MLLT3: variants seen among roughly 807,000 people sequenced by gnomAD.
MLLT3 encodes the protein protein AF-9.
A neutral mutation model predicts 53.2 loss-of-function variants in MLLT3; 4 were observed. The observed-to-expected ratio is 0.08, with a 90% CI of 0.04 to 0.17. The LOEUF is 0.17. Ranked by LOEUF, MLLT3 falls within the 10% of genes least tolerant of loss-of-function variation. MLLT3 has a pLI of 1.00. For missense variants in MLLT3, 569 were observed against 684.0 expected (o/e 0.83, Z 1.87); for synonymous variants, 283 against 230.6 (o/e 1.23, Z -2.06).
chr9:20,403,325 C>T (rs1245889024), intron 5 of MLLT3, among the ~76,000 whole-genome samples: 1 of 152,142 alleles, frequency 6.6e-6, no homozygotes, highest in African/African-American at 2.4e-5. Flanking sequence ...AAAAGAGTAC[C>T]TAAGCCTTGA....
chr9:20,618,935 T>C (rs903659119), intron 2 of MLLT3, among the ~76,000 whole-genome samples: 3 of 152,188 alleles, frequency 2.0e-5, no homozygotes, highest in African/African-American at 4.8e-5. Flanking sequence ...TTAATTTTCC[T>C]AATAAATGTT....
chr9:20,504,262 T>A (rs1320985995), intron 2 of MLLT3, among the ~76,000 whole-genome samples: 1 of 152,142 alleles, frequency 6.6e-6, no homozygotes, highest in African/African-American at 2.4e-5. Context: ...GCAGTACTAG[T>A]TACAATAGTC....
intron 3 of MLLT3, among the ~76,000 whole-genome samples, chr9:20,449,927 C>T (rs935614893): frequency 6.6e-6 from 1 of 152,204 alleles, no homozygotes; most frequent in Non-Finnish European, 1.5e-5. Flanking sequence ...CACCCATTCA[C>T]AAGGAGTCAG....
intron 10 of MLLT3, among the ~76,000 whole-genome samples, chr9:20,352,294 A>C (rs1026966528): frequency 6.6e-6 from 1 of 152,222 alleles, no homozygotes. Flanking sequence ...TTATTGGACA[A>C]TTGCTCCACA....
chr9:20,387,480 A>T (rs1268648216), intron 5 of MLLT3, among the ~76,000 whole-genome samples: 2 of 152,146 alleles, frequency 1.3e-5, no homozygotes, highest in Admixed American at 1.3e-4. Flanking sequence ...GCGGTCGTGG[A>T]GGGGAAGCTT....
chr9:20,616,618 C>G (rs571865554), intron 2 of MLLT3, among the ~76,000 whole-genome samples: 1 of 152,244 alleles, frequency 6.6e-6, no homozygotes, highest in African/African-American at 2.4e-5. Context: ...TATAGACATA[C>G]GTATACTTAT....
rs1820874172 is a variant in MLLT3 at position 20,346,524 on chromosome 9, T to C, written c.1626A>G (p.Thr542=). Residue 542 remains threonine (T), a synonymous_variant, in exon 11 of 11, where the codon ACA becomes ACG. Coordinates refer to ENST00000380338, the MANE Select transcript of MLLT3 (RefSeq NM_004529.4). ...CCAGCGAGCAAAGATCAAAATCAAATGTTGTGTTTGTGATATGAAAGTGTC... is the reference window on the plus strand; with the variant it reads ...CCAGCGAGCAAAGATCAAAATCAAACGTTGTGTTTGTGATATGAAAGTGTC... ...ETGHFHITNT[T]FDFDLCSLDK... 2 of 1,613,516 alleles carry C rather than the reference T, an allele frequency of 1.2e-6. No homozygotes were observed. The highest frequency in any genetic ancestry group is 2.2e-5 in the South Asian group (2 of 91,076).
intron 2 of MLLT3, among the ~76,000 whole-genome samples, chr9:20,583,633 C>A (rs1467276176): frequency 1.3e-5 from 2 of 152,194 alleles, no homozygotes; most frequent in Non-Finnish European, 2.9e-5. Context: ...ACAGGCTCAA[C>A]ATCACATGGA....
rs1317840194 is a variant in MLLT3, at chr9:20,620,172, C to T, written c.193+482G>A. 6.6e-6 allele frequency among the ~76,000 whole-genome samples: 1 copy of T among 151,580 alleles called. No individual in the cohort carries two copies. Among genetic ancestry groups the T allele is most frequent in the Non-Finnish European group, 1.5e-5 (1 of 67,910 alleles). ...AAGCACAGAAGACCCTAAAGAGAAC[C>T]GACTTGCCAAGACCGAACAATAACT... is the stretch of plus-strand genomic sequence containing the variant. On this transcript the variant is annotated intron_variant, in intron 2 of 10. Coordinates refer to ENST00000380338, the MANE Select transcript of MLLT3 (RefSeq NM_004529.4). The surrounding 1 kb of genome is among the most constrained non-coding windows in gnomAD (Gnocchi z 6.1).
chr9:20,485,234 C>A (rs1824778035), intron 2 of MLLT3, among the ~76,000 whole-genome samples: 1 of 152,152 alleles, frequency 6.6e-6, no homozygotes, highest in Non-Finnish European at 1.5e-5. Context: ...GGTGATCCGC[C>A]CGCCTTGGCC....
chr9:20,357,021 C>A (rs1196166038), intron 8 of MLLT3, among the ~76,000 whole-genome samples: 1 of 152,164 alleles, frequency 6.6e-6, no homozygotes, highest in East Asian at 1.9e-4. Flanking sequence ...GAGCTGAGCC[C>A]TGCTGAAGAC....
intron 2 of MLLT3, among the ~76,000 whole-genome samples, chr9:20,618,086 T>C (rs1306368079): frequency 6.6e-6 from 1 of 152,180 alleles, no homozygotes; most frequent in African/African-American, 2.4e-5. Flanking sequence ...GTGAAAGTGA[T>C]TTAGATTGTC....
At chr9:20,528,309 A>T (rs1357189727) in intron 2 of MLLT3, among the ~76,000 whole-genome samples, 1 of 152,268 alleles carries the variant, frequency 6.6e-6, no homozygotes, top group Non-Finnish European at 1.5e-5. Context: ...AAATGGGATA[A>T]TGCATTTAAT....
chr9:20,607,387 TC>T (rs751870015), intron 2 of MLLT3, among the ~76,000 whole-genome samples: 19 of 152,148 alleles, frequency 1.2e-4, no homozygotes, highest in Non-Finnish European at 2.5e-4. Flanking sequence ...TACACCTTAA[TC>T]CTGAAGAAGG....
At chr9:20,461,898 T>A (rs1824117746) in intron 2 of MLLT3, among the ~76,000 whole-genome samples, 1 of 152,204 alleles carries the variant, frequency 6.6e-6, no homozygotes, top group African/African-American at 2.4e-5. Context: ...CATCAAACTC[T>A]CTCTATATAT....
At chr9:20,560,684 G>T (rs1537069) in intron 2 of MLLT3, among the ~76,000 whole-genome samples, 10 of 152,212 alleles carry the variant, frequency 6.6e-5, no homozygotes, top group Non-Finnish European at 1.5e-4. Flanking sequence ...GATTGTGGGC[G>T]GGGAGCATTG....
At chr9:20,605,266 T>C (rs1820532424) in intron 2 of MLLT3, among the ~76,000 whole-genome samples, 1 of 152,114 alleles carries the variant, frequency 6.6e-6, no homozygotes, top group South Asian at 2.1e-4. Flanking sequence ...AGCTCTCTCA[T>C]TACATATCAT....
At chr9:20,484,511 C>T (rs6475438) in intron 2 of MLLT3, among the ~76,000 whole-genome samples, 111,424 of 152,024 alleles carry the variant, frequency 0.73, 40,974 homozygotes, top group Middle Eastern at 0.86. Context: ...TTGGCTTTTA[C>T]TCCCTCAACC....
chr9:20,420,645 T>C (rs1386205826), intron 4 of MLLT3, among the ~76,000 whole-genome samples: 1 of 152,212 alleles, frequency 6.6e-6, no homozygotes, highest in Non-Finnish European at 1.5e-5. Flanking sequence ...CACAGTATAA[T>C]TGACCAAAAC....
Sources: gnomAD v4.1 joint callset for allele counts (sites outside exome capture counted in the v4.1 genomes callset) on GRCh38, gnomAD v4.1.1 for gene constraint, Gnocchi (gnomAD v3.1) non-coding constraint, MANE v1.5 for transcripts, NCBI Gene and HGNC (gene_info 2026-07-23, HGNC 2026-07-21) for gene names.